The following PRKCE variants were observed in gnomAD, a reference collection of about 807,000 sequenced individuals.
The protein encoded by PRKCE is protein kinase C epsilon, also known as protein kinase C epsilon type.
Under a neutral mutation model 85.4 loss-of-function variants are expected in PRKCE, and 16 were observed. The ratio of observed to expected loss-of-function variants is 0.19; its 90% CI spans 0.13 to 0.28. The LOEUF (loss-of-function observed/expected upper bound fraction) is 0.28, where lower values mean the gene tolerates loss of function less well. Among genes scored for constraint, PRKCE ranks in the 10% least tolerant of loss-of-function variants. The pLI is 1.00. For synonymous variants in PRKCE, 388 were observed against 371.5 expected (o/e 1.04, Z -0.51); for missense variants, 573 against 975.2 (o/e 0.59, Z 5.49).
At chr2:45,963,552 G>A (rs554855927) in intron 2 of PRKCE, among the ~76,000 whole-genome samples, 9 of 152,258 alleles carry the variant, frequency 5.9e-5, no homozygotes, top group African/African-American at 1.9e-4. Context: ...CAGGTGATCC[G>A]CCCACCTTGG....
intron 1 of PRKCE, among the ~76,000 whole-genome samples, chr2:45,741,339 C>T (rs961125417): frequency 6.6e-6 from 1 of 152,152 alleles, no homozygotes; most frequent in African/African-American, 2.4e-5. Flanking sequence ...AGTTTGCTTC[C>T]AGCACACCCA....
intron 1 of PRKCE, among the ~76,000 whole-genome samples, chr2:45,676,444 A>G (rs902585106): frequency 4.6e-5 from 7 of 152,262 alleles, no homozygotes; most frequent in African/African-American, 1.7e-4. Flanking sequence ...CTCTTAATAC[A>G]TGCAGGTCAG....
At chr2:46,136,970 TA>T (rs1288964376) in intron 11 of PRKCE, among the ~76,000 whole-genome samples, 1 of 152,224 alleles carries the variant, frequency 6.6e-6, no homozygotes, top group African/African-American at 2.4e-5. Flanking sequence ...TAAAAGACCT[TA>T]AGTATTTTTC....
chr2:45,928,205 C>T (rs375765520), intron 2 of PRKCE, among the ~76,000 whole-genome samples: 7 of 152,298 alleles, frequency 4.6e-5, no homozygotes, highest in African/African-American at 1.7e-4. Context: ...ACAAATTTTG[C>T]TTGTGGTGTG....
chr2:45,706,347 G>T (rs1332292186), intron 1 of PRKCE, among the ~76,000 whole-genome samples: 3 of 152,160 alleles, frequency 2.0e-5, no homozygotes, highest in Non-Finnish European at 4.4e-5. Flanking sequence ...CATGCTGATG[G>T]TAATGAGAAA....
chr2:46,001,999 T>A lies in PRKCE; in HGVS notation c.966+453T>A, dbSNP rs1459057628. On this transcript the variant is annotated intron_variant, in intron 7 of 14. Coordinates refer to ENST00000306156, the MANE Select transcript of PRKCE (RefSeq NM_005400.3). This position sits in a 1 kb window ranked among gnomAD's most constrained non-coding sequence, Gnocchi z 4.4. The stretch of plus-strand genomic sequence containing the variant: ...AGGAAGCCAAGATGATTTGTGATCA[T>A]ACCAGCACTGAGCTGCCTGGGGAAT... 6.6e-6 allele frequency among the ~76,000 whole-genome samples: 1 copy of A among 152,202 alleles called. No individual in the cohort carries two copies. The highest frequency in any genetic ancestry group is 2.4e-5 in the African/African-American group (1 of 41,460).
At chr2:45,966,599 A>G (rs376181176) in intron 2 of PRKCE, among the ~76,000 whole-genome samples, 7 of 152,300 alleles carry the variant, frequency 4.6e-5, no homozygotes, top group South Asian at 2.1e-4. Context: ...GGATTCCAAG[A>G]TAAGCCTCCT....
chr2:45,735,246 C>T (rs971180627), intron 1 of PRKCE, among the ~76,000 whole-genome samples: 2 of 152,256 alleles, frequency 1.3e-5, no homozygotes, highest in African/African-American at 4.8e-5. Flanking sequence ...CTAGAGGTTT[C>T]CAGCTTGAGT....
intron 11 of PRKCE, among the ~76,000 whole-genome samples, chr2:46,095,227 C>T (rs1267679299): frequency 6.6e-6 from 1 of 152,358 alleles, no homozygotes; most frequent in East Asian, 1.9e-4. Flanking sequence ...ATTTCTAGGC[C>T]TTTCCTCTTG....
rs151165996 is a variant in PRKCE, at chr2:46,116,127, T to G, written c.1593-28966T>G. ...AAATGTTTCGTTTTTATTAGTCTTG[T>G]CTCCCCAACCAAATTGCTAGCTAGC... On this transcript the variant is annotated intron_variant, in intron 11 of 14. Transcript: ENST00000306156. 7.3e-3 allele frequency among the ~76,000 whole-genome samples: 1,116 copies of G among 152,278 alleles called. 3 individuals carry two copies. The highest frequency in any genetic ancestry group is 0.014 in the Middle Eastern group (4 of 294).
intron 1 of PRKCE, among the ~76,000 whole-genome samples, chr2:45,661,559 C>T (rs1464153049): frequency 1.0e-4 from 10 of 98,992 alleles, no homozygotes; most frequent in Admixed American, 1.4e-4. Flanking sequence ...GAAGGAGTCT[C>T]GCTCTGTCGC....
At chr2:45,890,257 T>C (rs951581529) in intron 2 of PRKCE, among the ~76,000 whole-genome samples, 2 of 152,190 alleles carry the variant, frequency 1.3e-5, no homozygotes, top group Non-Finnish European at 2.9e-5. Context: ...TTATTACCCA[T>C]GGCCAGTCTT....
chr2:46,175,025 C>G (rs1434449633), intron 14 of PRKCE, among the ~76,000 whole-genome samples: 1 of 152,082 alleles, frequency 6.6e-6, no homozygotes, highest in Non-Finnish European at 1.5e-5. Context: ...TTTTAGCCAG[C>G]AGGGCTAAAA....
At chr2:45,924,070 G>A (rs1320498012) in intron 2 of PRKCE, among the ~76,000 whole-genome samples, 1 of 152,170 alleles carries the variant, frequency 6.6e-6, no homozygotes. Flanking sequence ...TCCCTCCACA[G>A]GCCTTGATTT....
intron 1 of PRKCE, among the ~76,000 whole-genome samples, chr2:45,698,493 G>A (rs776676204): frequency 3.9e-5 from 6 of 151,922 alleles, no homozygotes; most frequent in African/African-American, 1.5e-4. Flanking sequence ...ATGATGTGGA[G>A]CTCCAGTAAA....
intron 2 of PRKCE, among the ~76,000 whole-genome samples, chr2:45,911,212 A>T (rs1462315341): frequency 6.6e-6 from 1 of 152,204 alleles, no homozygotes; most frequent in Non-Finnish European, 1.5e-5. Flanking sequence ...ATCAATCAAC[A>T]TTAGGAAGAG....
chr2:45,968,697 A>C (rs751767579), intron 2 of PRKCE, among the ~76,000 whole-genome samples: 5 of 152,194 alleles, frequency 3.3e-5, no homozygotes, highest in Non-Finnish European at 7.3e-5. Context: ...ATCTAAGAAC[A>C]CTGAGGTTGT....
intron 10 of PRKCE, among the ~76,000 whole-genome samples, chr2:46,084,370 C>T (rs1669378474): frequency 6.6e-6 from 1 of 152,060 alleles, no homozygotes. Context: ...GTTACTGAGA[C>T]CTAATGGAAA....
At chr2:46,073,022 A>G (rs1456807525) in intron 10 of PRKCE, among the ~76,000 whole-genome samples, 2 of 152,172 alleles carry the variant, frequency 1.3e-5, no homozygotes, top group Non-Finnish European at 2.9e-5. Context: ...CCCAGGGCCC[A>G]CCCCAGAATC....
Sources: gnomAD v4.1 joint callset for allele counts (sites outside exome capture counted in the v4.1 genomes callset) on GRCh38, gnomAD v4.1.1 for gene constraint, Gnocchi (gnomAD v3.1) non-coding constraint, MANE v1.5 for transcripts, NCBI Gene and HGNC (gene_info 2026-07-23, HGNC 2026-07-21) for gene names.